LDLRAD4: variants seen among roughly 807,000 people sequenced by gnomAD.
LDLRAD4 encodes low-density lipoprotein receptor class A domain-containing protein 4.
Under a neutral mutation model 17.0 loss-of-function variants are expected in LDLRAD4, and 5 were observed. That is an observed-to-expected ratio of 0.29 (90% CI 0.15 to 0.62). The LOEUF (loss-of-function observed/expected upper bound fraction) is 0.62, where lower values mean the gene tolerates loss of function less well. Ranked by LOEUF, LDLRAD4 falls within the 20% of genes least tolerant of loss-of-function variation. The probability of loss-of-function intolerance (pLI) is 0.84; values close to 1 mark genes in which losing one functional copy is unlikely to be tolerated. For synonymous variants in LDLRAD4, 168 were observed against 171.8 expected (o/e 0.98, Z 0.17); for missense variants, 340 against 424.7 (o/e 0.80, Z 1.75).
intron 2 of LDLRAD4, among the ~76,000 whole-genome samples, chr18:13,424,901 C>T (rs528158026): frequency 6.6e-5 from 10 of 152,220 alleles, no homozygotes; most frequent in Admixed American, 4.6e-4. Context: ...ACGTATGCCT[C>T]GCTAATACGG....
chr18:13,648,308 A>G (rs995936524), exon 6 of LDLRAD4: 3 of 152,256 alleles, frequency 2.0e-5, no homozygotes, highest in African/African-American at 7.2e-5. Context: ...TCTTTCAAGA[A>G]AGAGGCTCCT....
Position 13,440,543 on chromosome 18 carries a change from T to C in LDLRAD4, c.181+2159T>C, listed in dbSNP as rs1232303495. Among the ~76,000 whole-genome samples the C allele has an allele frequency of 6.6e-6, 1 of 152,198 alleles. No homozygotes were observed. Among genetic ancestry groups the C allele is most frequent in the Non-Finnish European group, 1.5e-5 (1 of 68,032 alleles). Reference sequence around the variant, plus strand: ...ATATTATTTACAATATACTCTCTTCTAAGAAGACTGGAGAGCCAGGAGACG... The same window carrying C: ...ATATTATTTACAATATACTCTCTTCCAAGAAGACTGGAGAGCCAGGAGACG... On this transcript the variant is annotated intron_variant, in intron 3 of 5. Transcript: ENST00000359446. The surrounding 1 kb of genome is among the most constrained non-coding windows in gnomAD (Gnocchi z 4.4).
intron 3 of LDLRAD4, among the ~76,000 whole-genome samples, chr18:13,560,565 C>T (rs1227692914): frequency 2.0e-5 from 3 of 152,170 alleles, no homozygotes; most frequent in African/African-American, 7.2e-5. Context: ...ACTTAAAGAC[C>T]TTCATAACGC....
At chr18:13,233,813 A>G (rs1403979270) in intron 1 of LDLRAD4, among the ~76,000 whole-genome samples, 2 of 151,960 alleles carry the variant, frequency 1.3e-5, no homozygotes, top group African/African-American at 2.4e-5. Context: ...CTACCTGCCT[A>G]CCGGGCATCT....
At chr18:13,568,143 T>A (rs765977816) in intron 3 of LDLRAD4, among the ~76,000 whole-genome samples, 1 of 151,578 alleles carries the variant, frequency 6.6e-6, no homozygotes, top group Admixed American at 6.6e-5. Flanking sequence ...AAAACACAAA[T>A]ATTAGACAGG....
intron 3 of LDLRAD4, among the ~76,000 whole-genome samples, chr18:13,569,347 T>C (rs912929981): frequency 6.6e-6 from 1 of 152,232 alleles, no homozygotes; most frequent in African/African-American, 2.4e-5. Context: ...ACACTCTCTG[T>C]ACTCTTGTCT....
At chr18:13,327,236 T>C (rs1369771566) in intron 1 of LDLRAD4, among the ~76,000 whole-genome samples, 2 of 152,112 alleles carry the variant, frequency 1.3e-5, no homozygotes, top group East Asian at 3.9e-4. Flanking sequence ...GTTAGCGTTT[T>C]GTTAAGTATG....
chr18:13,484,134 C>T (rs1333492453), intron 3 of LDLRAD4: 2 of 152,260 alleles, frequency 1.3e-5, no homozygotes, highest in Non-Finnish European at 2.9e-5. Context: ...GACTCACCTT[C>T]GTTTTCCTTC....
At chr18:13,565,031 C>G (rs1372273124) in intron 3 of LDLRAD4, 2 of 152,272 alleles carry the variant, frequency 1.3e-5, no homozygotes, top group African/African-American at 4.8e-5. Context: ...GTATGTATTT[C>G]ACCCTGTATG....
intron 3 of LDLRAD4, among the ~76,000 whole-genome samples, chr18:13,474,553 G>A (rs2092887651): frequency 1.3e-5 from 2 of 152,202 alleles, no homozygotes; most frequent in South Asian, 2.1e-4. Context: ...TGAGGACTTC[G>A]GGGCCAGGTG....
chr18:13,554,347 T>TA (rs1391249479), intron 3 of LDLRAD4, among the ~76,000 whole-genome samples: 2 of 151,054 alleles, frequency 1.3e-5, no homozygotes, highest in Non-Finnish European at 2.9e-5. Flanking sequence ...TAGTTGTTTT[T>TA]ACGTGTTTTT....
chr18:13,573,255 C>A (rs1015574356), intron 3 of LDLRAD4, among the ~76,000 whole-genome samples: 1 of 151,754 alleles, frequency 6.6e-6, no homozygotes, highest in Non-Finnish European at 1.5e-5. Context: ...CAGGTACCCA[C>A]CACCACGCCC....
intron 1 of LDLRAD4, among the ~76,000 whole-genome samples, chr18:13,379,833 C>T (rs2085203412): frequency 6.6e-6 from 1 of 152,246 alleles, no homozygotes; most frequent in Non-Finnish European, 1.5e-5. Context: ...GCTCCCCCTC[C>T]CTTCCTGCCC....
At chr18:13,489,157 CT>C (rs143795732) in intron 3 of LDLRAD4, 2,344 of 136,838 alleles carry the variant, frequency 0.017, 39 homozygotes, top group African/African-American at 0.045. Context: ...TTCTTTCTTT[CT>C]TTTTTTTTTT....
At chr18:13,623,237 C>T (rs938815529) in intron 4 of LDLRAD4, among the ~76,000 whole-genome samples, 14 of 152,388 alleles carry the variant, frequency 9.2e-5, no homozygotes, top group South Asian at 2.1e-4. Flanking sequence ...AGCCTCCCTT[C>T]CCTGAAATCA....
chr18:13,650,736 C>A, exon 6 of LDLRAD4: 1 of 174,258 alleles, frequency 5.7e-6, no homozygotes, highest in Non-Finnish European at 1.2e-5. Context: ...ATAGATGATA[C>A]CAATTTTAAC....
chr18:13,259,911 G>A (rs2043720471), intron 1 of LDLRAD4, among the ~76,000 whole-genome samples: 1 of 152,238 alleles, frequency 6.6e-6, no homozygotes, highest in African/African-American at 2.4e-5. Flanking sequence ...CCCCAGGAGG[G>A]GAACGTGTGG....
chr18:13,565,271 G>T (rs1568346683), intron 3 of LDLRAD4, among the ~76,000 whole-genome samples: 1 of 152,226 alleles, frequency 6.6e-6, no homozygotes, highest in Non-Finnish European at 1.5e-5. Context: ...GGAGTGGGAT[G>T]AAGGCCACAG....
At chr18:13,551,681 CAG>C (rs1419429235) in intron 3 of LDLRAD4, among the ~76,000 whole-genome samples, 1 of 152,030 alleles carries the variant, frequency 6.6e-6, no homozygotes, top group Non-Finnish European at 1.5e-5. Context: ...GGGAGAGAAA[CAG>C]AGGGAATTTG....
Sources: allele counts gnomAD v4.1 joint callset (sites outside exome capture counted in the v4.1 genomes callset), GRCh38; gene constraint gnomAD v4.1.1; non-coding constraint Gnocchi (gnomAD v3.1); transcripts MANE v1.5; gene names NCBI Gene and HGNC (gene_info 2026-07-23, HGNC 2026-07-21).